The following IKZF5 variants were observed in gnomAD, a reference collection of about 807,000 sequenced individuals.
The protein encoded by IKZF5 is zinc finger protein Pegasus.
In IKZF5, 4 loss-of-function variants were observed where a neutral mutation model predicts 30.7. That is an observed-to-expected ratio of 0.13 (90% CI 0.06 to 0.30). The LOEUF (loss-of-function observed/expected upper bound fraction) is 0.30, where lower values mean the gene tolerates loss of function less well. Ranked by LOEUF, IKZF5 falls within the 10% of genes least tolerant of loss-of-function variation. IKZF5 has a pLI of 1.00. For missense variants in IKZF5, 348 were observed against 525.5 expected (o/e 0.66, Z 3.30); for synonymous variants, 148 against 179.6 (o/e 0.82, Z 1.41).
At chr10:123,000,683 CA>C (rs1183086310) in intron 2 of IKZF5, among the ~76,000 whole-genome samples, 1 of 152,236 alleles carries the variant, frequency 6.6e-6, no homozygotes, top group Non-Finnish European at 1.5e-5. Context: ...TAGCAGTAAA[CA>C]AAACTGCTGC....
At chr10:123,003,765 T>C (rs1360298561) in intron 2 of IKZF5, among the ~76,000 whole-genome samples, 1 of 152,220 alleles carries the variant, frequency 6.6e-6, no homozygotes, top group Non-Finnish European at 1.5e-5. Context: ...ATACTGAGCA[T>C]CTGTTTCTTA....
chr10:123,003,199 A>G (rs973768345), intron 2 of IKZF5, among the ~76,000 whole-genome samples: 4 of 90,760 alleles, frequency 4.4e-5, no homozygotes, highest in Non-Finnish European at 5.9e-5. Context: ...CCCGGCTGAT[A>G]TTTTTTGTAT....
In IKZF5 at chr10:122,994,386, T is replaced by C. The variant is rs1849284817; in HGVS notation, c.654A>G (p.Glu218=). The C allele has an allele frequency of 1.9e-6, 3 of 1,613,990 alleles. No homozygotes were observed. The highest frequency in any genetic ancestry group is 1.7e-6 in the Non-Finnish European group (2 of 1,180,016). The change falls in exon 5 of 5, where the codon GAA becomes GAG. Residue 218 remains glutamate, a synonymous_variant. Transcript: ENST00000368886. The surrounding 1 kb of genome is among the most constrained non-coding windows in gnomAD (Gnocchi z 5.6). The stretch of plus-strand genomic sequence containing the variant: ...AGGAGTCAGTCTGGATATTTGGGAT[T>C]TCGTGGGTAAAATCGTTAAGGTAGT... ...KPDYLNDFTH[E]IPNIQTDSYE... is the part of the protein sequence containing the mutation.
chr10:123,001,697 C>T (rs1849592251), intron 2 of IKZF5, among the ~76,000 whole-genome samples: 1 of 152,126 alleles, frequency 6.6e-6, no homozygotes, highest in Non-Finnish European at 1.5e-5. Flanking sequence ...CCTATCTGTC[C>T]TTGCTGCCAT....
chr10:123,002,394 C>A (rs1442356159), intron 2 of IKZF5, among the ~76,000 whole-genome samples: 1 of 151,360 alleles, frequency 6.6e-6, no homozygotes, highest in Non-Finnish European at 1.5e-5. Context: ...GCAGCAGGCG[C>A]CTGTAATCCC....
rs573379084 is a variant in IKZF5 at position 122,994,766 on chromosome 10, C to A, written c.317-43G>T. The A allele has an allele frequency of 1.4e-5, 21 of 1,462,282 alleles. No individual in the cohort carries two copies. In the South Asian group the frequency reaches 2.4e-4, roughly 17 times the overall value. 90.6% of individuals were successfully genotyped at this position (1,462,282 alleles called of 1,614,324 possible). On this transcript the variant is annotated intron_variant, in intron 4 of 4. Transcript: ENST00000368886. The surrounding 1 kb of genome is among the most constrained non-coding windows in gnomAD (Gnocchi z 5.6). ...TGATGGAGAAACTACAAGAGTAGTT[C>A]ATTTATGGAAAGTTTTGCTTGTCCA...
chr10:122,994,983 G>A lies in IKZF5; in HGVS notation c.317-260C>T, dbSNP rs1019631871. ...ACAGTATAAAAACTGTTATGGCTTCGAATGCATTTAGAGAGAAGAAACAGT... is the reference window on the plus strand; with the variant it reads ...ACAGTATAAAAACTGTTATGGCTTCAAATGCATTTAGAGAGAAGAAACAGT... On this transcript the variant is annotated intron_variant, in intron 4 of 4. Coordinates refer to ENST00000368886, the MANE Select transcript of IKZF5 (RefSeq NM_001372123.1). The surrounding 1 kb of genome is among the most constrained non-coding windows in gnomAD (Gnocchi z 5.6). 1.3e-5 allele frequency: 5 copies of A among 394,406 alleles called. No individual in the cohort carries two copies. Among genetic ancestry groups the A allele is most frequent in the African/African-American group, 6.2e-5 (3 of 48,070 alleles). 24.4% of individuals were successfully genotyped at this position (394,406 alleles called of 1,614,324 possible). A position where few individuals can be genotyped will look rare whatever the true frequency, so the allele number is the denominator to read the frequency against.
At position 123,008,471 on chromosome 10, in the gene IKZF5, G is replaced by A. The variant is rs902561792; in HGVS notation, c.-198+223C>T. ...TGACAGCAGGAGACCCCGCTCCCTCGGGGTTCTCGCGGCCATAGGCGCCGC... is the reference window on the plus strand; with the variant it reads ...TGACAGCAGGAGACCCCGCTCCCTCAGGGTTCTCGCGGCCATAGGCGCCGC... On this transcript the variant is annotated intron_variant, in intron 1 of 4. Transcript: ENST00000368886. 1.9e-5 allele frequency: 3 copies of A among 160,416 alleles called. No individual in the cohort carries two copies. The Middle Eastern group carries it at 9.9e-3, about 528-fold the overall frequency. The allele number at this position is 160,416 out of a possible 1,614,324, so 9.9% of individuals were successfully genotyped here.
At position 122,996,128 on chromosome 10, in the gene IKZF5, A is replaced by G. The variant is rs1267646899; in HGVS notation, c.182T>C (p.Val61Ala). 6.2e-7 allele frequency: 1 copy of G among 1,614,082 alleles called. No individual in the cohort carries two copies. The highest frequency in any genetic ancestry group is 8.5e-7 in the Non-Finnish European group (1 of 1,180,004). Residue 61 changes from valine (V) to alanine (A), a missense_variant, in exon 4 of 5, where the codon GTT becomes GCT. Transcript: ENST00000368886. ...CATTCCTGAGTTTTCATCCAAGGAA[A>G]CTTCAACAGATGGGTGATCAAGTCC... The part of the protein sequence containing the change: ...QNGLDHPSVE[V>A]SLDENSGMLV...
intron 2 of IKZF5, among the ~76,000 whole-genome samples, chr10:123,005,554 C>G (rs1211826006): frequency 6.6e-6 from 1 of 152,210 alleles, no homozygotes; most frequent in Non-Finnish European, 1.5e-5. Flanking sequence ...CTCAGATGTA[C>G]TCTTTCTGCT....
At chr10:122,995,606 A>T (rs1170033133) in intron 4 of IKZF5, among the ~76,000 whole-genome samples, 1 of 152,238 alleles carries the variant, frequency 6.6e-6, no homozygotes, top group African/African-American at 2.4e-5. Context: ...GATTAGCAGT[A>T]CCATCTGCAA....
At chr10:122,999,115 G>A (rs866111854) in intron 2 of IKZF5, among the ~76,000 whole-genome samples, 14 of 152,250 alleles carry the variant, frequency 9.2e-5, no homozygotes, top group Middle Eastern at 3.4e-3. Context: ...AATTGCTTGG[G>A]TCTGAGTGGT....
At chr10:123,005,357 C>A (rs1849741779) in intron 2 of IKZF5, among the ~76,000 whole-genome samples, 2 of 152,244 alleles carry the variant, frequency 1.3e-5, no homozygotes, top group Middle Eastern at 3.4e-3. Context: ...TTTAGAAAAT[C>A]CACAAGCTAT....
At chr10:123,002,786 TAAAAAAAAA>T (rs371495279) in intron 2 of IKZF5, among the ~76,000 whole-genome samples, 1 of 117,084 alleles carries the variant, frequency 8.5e-6, no homozygotes, top group African/African-American at 3.3e-5. Flanking sequence ...AGACTCCGTC[TAAAAAAAAA>T]AAAAAAAAAC....
At chr10:123,007,984 G>C (rs890278560) in intron 1 of IKZF5, among the ~76,000 whole-genome samples, 5 of 152,074 alleles carry the variant, frequency 3.3e-5, no homozygotes, top group Non-Finnish European at 7.3e-5. Context: ...AGCAGGCCAC[G>C]TGGTTAGTGT....
At chr10:122,995,007 G>C (rs978598755) in intron 4 of IKZF5, 78 of 343,630 alleles carry the variant, frequency 2.3e-4, no homozygotes, top group Non-Finnish European at 3.9e-4. Flanking sequence ...AGAAGAAACA[G>C]TACAATTGAA....
At chr10:123,007,593 C>CA (rs1280272489) in intron 1 of IKZF5, among the ~76,000 whole-genome samples, 4 of 151,904 alleles carry the variant, frequency 2.6e-5, no homozygotes, top group Admixed American at 2.6e-4. Flanking sequence ...GCTTTAAATA[C>CA]AAAAACAAAA....
At chr10:122,997,935 G>T (rs1267222754) in intron 3 of IKZF5, among the ~76,000 whole-genome samples, 2 of 152,032 alleles carry the variant, frequency 1.3e-5, no homozygotes, top group African/African-American at 2.4e-5. Context: ...GTCCAGATGG[G>T]GCCCACGGGC....
intron 1 of IKZF5, 131 bp from the exon 2 acceptor site, chr10:123,007,307 T>C (rs1849831199): frequency 6.6e-6 from 1 of 152,182 alleles, no homozygotes; most frequent in African/African-American, 2.4e-5. Flanking sequence ...GAAAACGAAC[T>C]GACAGATTAA....
Sources: gnomAD v4.1 joint callset for allele counts (sites outside exome capture counted in the v4.1 genomes callset) on GRCh38, gnomAD v4.1.1 for gene constraint, Gnocchi (gnomAD v3.1) non-coding constraint, MANE v1.5 for transcripts, NCBI Gene and HGNC (gene_info 2026-07-23, HGNC 2026-07-21) for gene names.